NPL: variants seen among roughly 807,000 people sequenced by gnomAD.
NPL encodes the protein N-acetylneuraminate pyruvate lyase.
Under a neutral mutation model 41.1 loss-of-function variants are expected in NPL, and 32 were observed. The observed-to-expected ratio is 0.78, with a 90% CI of 0.59 to 1.05. The LOEUF (loss-of-function observed/expected upper bound fraction) is 1.05, where lower values mean the gene tolerates loss of function less well. Among genes scored for constraint, NPL ranks in the 50% least tolerant of loss-of-function variants. The pLI is 0.00. For missense variants in NPL, 321 were observed against 378.4 expected, an observed-to-expected ratio of 0.85 and a Z score of 1.26; for synonymous variants, 128 against 134.9, an observed-to-expected ratio of 0.95 and a Z score of 0.35.
intron 5 of NPL, among the ~76,000 whole-genome samples, chr1:182,811,591 T>C (rs1388478969): frequency 6.6e-6 from 1 of 152,214 alleles, no homozygotes; most frequent in Non-Finnish European, 1.5e-5. Flanking sequence ...TGTAAGCATG[T>C]ATATAAGACG....
chr1:182,822,980 C>T (rs182034873), intron 11 of NPL, among the ~76,000 whole-genome samples: 98 of 152,306 alleles, frequency 6.4e-4, no homozygotes, highest in Non-Finnish European at 1.3e-3. Context: ...GCAGTCCTCC[C>T]GCCTCAGCCT....
intron 6 of NPL, among the ~76,000 whole-genome samples, chr1:182,813,545 T>G (rs933442525): frequency 1.3e-5 from 2 of 152,192 alleles, no homozygotes; most frequent in Non-Finnish European, 1.5e-5. Context: ...TTTCTCTCTT[T>G]TCAATTGCTG....
intron 5 of NPL, chr1:182,809,250 A>C (rs1213859355): frequency 4.4e-6 from 2 of 452,364 alleles, no homozygotes; most frequent in Non-Finnish European, 8.9e-6. Flanking sequence ...TTTAGAAGAC[A>C]GCTGAAGGCC....
chr1:182,798,787 C>T (rs962502901), intron 3 of NPL, among the ~76,000 whole-genome samples: 7 of 152,144 alleles, frequency 4.6e-5, no homozygotes, highest in African/African-American at 1.4e-4. Context: ...CTTTGGGAGA[C>T]GAGGGGACCC....
At chr1:182,796,590 A>T (rs1666673492) in intron 3 of NPL, among the ~76,000 whole-genome samples, 1 of 152,186 alleles carries the variant, frequency 6.6e-6, no homozygotes, top group East Asian at 1.9e-4. Flanking sequence ...CTCAGTAACA[A>T]TTCAGCTTTC....
intron 12 of NPL, chr1:182,826,353 T>C: frequency 6.3e-6 from 1 of 158,246 alleles, no homozygotes; most frequent in South Asian, 1.9e-4. Context: ...CCAGAGTCTC[T>C]TAAATCTTCT....
rs566804767 is a variant in NPL, at chr1:182,793,208, T to A, written c.-17+922T>A. 2.0e-5 allele frequency among the ~76,000 whole-genome samples: 3 copies of A among 152,356 alleles called. No individual in the cohort carries two copies. In the South Asian group the frequency reaches 6.2e-4, roughly 32 times the overall value. ...TGTCTTATAGCTCAAAAAACAATAA[T>A]GCTTCTAGAACTAGCAAATGTCAGA... On this transcript the variant is annotated intron_variant, in intron 2 of 12. Coordinates refer to ENST00000367553, the MANE Select transcript of NPL (RefSeq NM_030769.3).
At chr1:182,794,698 C>T (rs1414977754) in intron 3 of NPL, among the ~76,000 whole-genome samples, 1 of 152,206 alleles carries the variant, frequency 6.6e-6, no homozygotes, top group East Asian at 1.9e-4. Flanking sequence ...GCCTTTCTCC[C>T]AGTGTCTGTA....
rs966982408 is a variant in NPL at position 182,789,795 on chromosome 1, C to G, written c.-82C>G. 2 of 152,798 alleles carry G rather than the reference C, an allele frequency of 1.3e-5. No homozygotes were observed. The highest frequency in any genetic ancestry group is 4.8e-5 in the African/African-American group (2 of 41,458). The allele number at this position is 152,798 out of a possible 1,614,324, so 9.5% of individuals were successfully genotyped here. Reference sequence around the variant, plus strand: ...GGCGGAGCGGCTGCACGGACAAGAGCGGAGGCCTGGGTGAGCGCGGCCCGC... The same window carrying G: ...GGCGGAGCGGCTGCACGGACAAGAGGGGAGGCCTGGGTGAGCGCGGCCCGC... On this transcript the variant is annotated 5_prime_UTR_variant, in exon 1 of 13. Transcript: ENST00000367553.
rs530694954 is a variant in NPL at position 182,821,564 on chromosome 1, G to A, written c.654-551G>A. ...TTTACAAGGATTAGACATGATTTAT[G>A]TCAAGCACCTATAATATAATAGGCA... On this transcript the variant is annotated intron_variant, in intron 10 of 12. Coordinates refer to ENST00000367553, the MANE Select transcript of NPL (RefSeq NM_030769.3). Among the ~76,000 whole-genome samples the A allele has an allele frequency of 2.0e-5, 3 of 152,274 alleles. No homozygotes were observed. In the East Asian group the frequency reaches 5.8e-4, roughly 29 times the overall value.
Position 182,818,684 on chromosome 1 carries a change from G to A in NPL, c.601G>A (p.Asp201Asn). 9.3e-6 allele frequency: 15 copies of A among 1,614,164 alleles called. No homozygotes were observed. Among genetic ancestry groups the A allele is most frequent in the Non-Finnish European group, 1.3e-5 (15 of 1,180,022 alleles). The change falls in exon 9 of 13, where the codon GAT becomes AAT. Residue 201 changes from aspartate (D) to asparagine (N), a missense_variant. Transcript: ENST00000367553. ...ACAGTTTGCTTTCCTTTTTGGGGTG[G>A]ATGAGGTAAGTCACCCCCTAGCATG... ...QQQFAFLFGVDEQLLSALVMG... is the reference protein window; with the variant it reads ...QQQFAFLFGVNEQLLSALVMG...
chr1:182,800,459 AAC>A, intron 3 of NPL, among the ~76,000 whole-genome samples: 2 of 146,146 alleles, frequency 1.4e-5, no homozygotes, highest in African/African-American at 5.3e-5. Flanking sequence ...AAAAAAAAAA[AAC>A]GGACAGAATC....
intron 10 of NPL, among the ~76,000 whole-genome samples, chr1:182,819,900 T>C (rs1336036918): frequency 1.3e-5 from 2 of 152,164 alleles, no homozygotes; most frequent in Admixed American, 6.5e-5. Flanking sequence ...GGAAATCACA[T>C]AGAACCTAAG....
At chr1:182,824,117 T>C (rs1219138556) in intron 11 of NPL, among the ~76,000 whole-genome samples, 1 of 151,956 alleles carries the variant, frequency 6.6e-6, no homozygotes, top group Non-Finnish European at 1.5e-5. Context: ...AAATTACACA[T>C]GTACAAAGAT....
At chr1:182,809,102 C>A (rs564670996) in intron 5 of NPL, 1 of 290,638 alleles carries the variant, frequency 3.4e-6, no homozygotes, top group East Asian at 1.1e-4. Flanking sequence ...GAAATTCATT[C>A]AACTTACAAT....
chr1:182,801,399 C>G (rs1054148208), intron 3 of NPL, among the ~76,000 whole-genome samples: 1 of 152,086 alleles, frequency 6.6e-6, no homozygotes, highest in African/African-American at 2.4e-5. Flanking sequence ...GAGGGTAGGT[C>G]GAAGCACTAT....
rs1330316051 is a variant in NPL, at chr1:182,829,201, C to G, written c.*293C>G. The G allele has an allele frequency of 1.9e-5, 24 of 1,273,620 alleles. No individual in the cohort carries two copies. Among genetic ancestry groups the G allele is most frequent in the Admixed American group, 1.1e-4 (3 of 26,250 alleles). The allele number at this position is 1,273,620 out of a possible 1,614,324, so 78.9% of individuals were successfully genotyped here. A position where few individuals can be genotyped will look rare whatever the true frequency, so the allele number is the denominator to read the frequency against. On this transcript the variant is annotated 3_prime_UTR_variant, in exon 13 of 13. Coordinates refer to ENST00000367553, the MANE Select transcript of NPL (RefSeq NM_030769.3). ...GAAAATTGTAATTGATTAATTCCAT[C>G]TGTCTTTAGGAGCTCTCATTATCTC...
At chr1:182,791,847 T>C (rs1242137626) in intron 1 of NPL, among the ~76,000 whole-genome samples, 2 of 152,182 alleles carry the variant, frequency 1.3e-5, no homozygotes, top group Non-Finnish European at 2.9e-5. Flanking sequence ...AGGACTCTTA[T>C]CACTTGAACC....
At chr1:182,809,413 A>C (rs942717036) in intron 5 of NPL, 5 of 278,384 alleles carry the variant, frequency 1.8e-5, no homozygotes, top group African/African-American at 1.1e-4. Context: ...GGTGGCAGGT[A>C]CCTGTAATCC....
Sources: allele counts gnomAD v4.1 joint callset (sites outside exome capture counted in the v4.1 genomes callset), GRCh38; gene constraint gnomAD v4.1.1; transcripts MANE v1.5; gene names NCBI Gene and HGNC (gene_info 2026-07-23, HGNC 2026-07-21).